Variants in TUSC3 observed in about 807,000 individuals in gnomAD.
The protein encoded by TUSC3 is tumor suppressor candidate 3.
A neutral mutation model predicts 44.8 loss-of-function variants in TUSC3; 45 were observed. The observed-to-expected ratio is 1.00, with a 90% CI of 0.79 to 1.29. TUSC3 has a LOEUF of 1.29. TUSC3 is among the 50% of genes most tolerant of loss of function. The pLI is 0.00. For missense variants in TUSC3, 519 were observed against 437.9 expected, an observed-to-expected ratio of 1.19 and a Z score of -1.65; for synonymous variants, 212 against 152.9, an observed-to-expected ratio of 1.39 and a Z score of -2.85.
chr8:15,794,788 A>C, the TUSC3 span, among the ~76,000 whole-genome samples: 10 of 152,136 alleles, frequency 6.6e-5, no homozygotes, highest in African/African-American at 2.2e-4. Flanking sequence ...CAGGGGGGAA[A>C]ATACCTTTAT....
intron 1 of TUSC3, among the ~76,000 whole-genome samples, chr8:15,441,545 C>G (rs1800020403): frequency 1.3e-5 from 2 of 152,114 alleles, no homozygotes; most frequent in African/African-American, 4.8e-5. Flanking sequence ...AGAAAATATG[C>G]TCATAGACAT....
At chr8:15,707,702 T>A (rs748754941) in intron 6 of TUSC3, among the ~76,000 whole-genome samples, 3 of 151,984 alleles carry the variant, frequency 2.0e-5, no homozygotes, top group South Asian at 4.1e-4. Context: ...GATGTTTACA[T>A]TGAAGTGGGA....
chr8:15,807,014 C>A, the TUSC3 span: 1 of 1,437,224 alleles, frequency 7.0e-7, no homozygotes, highest in African/African-American at 1.4e-5. Context: ...AAAGAAGGTG[C>A]TCCTGCAGAC....
intron 6 of TUSC3, among the ~76,000 whole-genome samples, chr8:15,714,685 G>C (rs1319885858): frequency 1.3e-5 from 2 of 152,088 alleles, no homozygotes; most frequent in African/African-American, 4.8e-5. Context: ...CTTGTCCTCT[G>C]TCTGCTAGTT....
intron 8 of TUSC3, among the ~76,000 whole-genome samples, chr8:15,744,372 C>A (rs186443930): frequency 7.5e-4 from 114 of 152,224 alleles, no homozygotes; most frequent in African/African-American, 2.5e-3. Context: ...CTGCCACAGA[C>A]CTTTTTATAG....
rs149955241 is a variant in TUSC3 at position 15,449,840 on chromosome 8, C to T, written n.91+32535C>T. ...AGGTGACCGTTTTTTTAATCTCTTA[C>T]ACTTTATTTTTTTACTGTACCTTTT... On this transcript the variant is annotated intron_variant and non_coding_transcript_variant, in intron 1 of 5. Transcript: ENST00000503191. Among the ~76,000 whole-genome samples, 464 of 152,164 alleles carry T rather than the reference C, an allele frequency of 3.0e-3. 4 individuals carry two copies. Among genetic ancestry groups the T allele is most frequent in the African/African-American group, 0.01 (417 of 41,518 alleles).
chr8:15,623,028 A>C, intron 1 of TUSC3, 52 bp from the exon 2 acceptor site: 1 of 1,575,608 alleles, frequency 6.3e-7, no homozygotes, highest in Non-Finnish European at 8.7e-7. Flanking sequence ...ATGAAATTCA[A>C]ACAAAAGGAC....
intron 2 of TUSC3, among the ~76,000 whole-genome samples, chr8:15,485,671 G>A (rs1800724587): frequency 6.6e-6 from 1 of 152,148 alleles, no homozygotes; most frequent in Admixed American, 6.6e-5. Flanking sequence ...GGAAGAGTAT[G>A]TGTTGGGAAT....
the TUSC3 span, chr8:15,806,375 C>A: frequency 1.4e-6 from 1 of 736,910 alleles, no homozygotes; most frequent in South Asian, 1.3e-5. Flanking sequence ...ACTTGCCCAA[C>A]TCTGCCTCCT....
At chr8:15,478,428 C>A (rs1252633218) in intron 1 of TUSC3, among the ~76,000 whole-genome samples, 2 of 152,078 alleles carry the variant, frequency 1.3e-5, no homozygotes, top group African/African-American at 4.8e-5. Flanking sequence ...GCTCTCTCTC[C>A]CCCAACTCCC....
chr8:15,437,313 T>C (rs571835569), intron 1 of TUSC3, among the ~76,000 whole-genome samples: 5 of 152,310 alleles, frequency 3.3e-5, no homozygotes, highest in Non-Finnish European at 7.4e-5. Flanking sequence ...AACTTGAGGC[T>C]GTTTAGTCTA....
intron 1 of TUSC3, among the ~76,000 whole-genome samples, chr8:15,589,214 A>G (rs997491481): frequency 6.6e-6 from 1 of 152,170 alleles, no homozygotes; most frequent in Admixed American, 6.5e-5. Context: ...TACAGGTGAC[A>G]CAAGTTTTTT....
intron 2 of TUSC3, among the ~76,000 whole-genome samples, chr8:15,517,821 T>C (rs184783791): frequency 1.4e-3 from 212 of 152,188 alleles, no homozygotes; most frequent in Middle Eastern, 3.4e-3. Context: ...AATGCATATG[T>C]GTTTTTAAAT....
chr8:15,767,382 G>A (rs1311364067), downstream of TUSC3, among the ~76,000 whole-genome samples: 1 of 150,324 alleles, frequency 6.7e-6, no homozygotes, highest in East Asian at 2.0e-4. Context: ...ATAGATGTCA[G>A]GAAAAATGAC....
chr8:15,487,434 G>A (rs903135818), intron 2 of TUSC3, among the ~76,000 whole-genome samples: 1 of 152,192 alleles, frequency 6.6e-6, no homozygotes, highest in African/African-American at 2.4e-5. Flanking sequence ...CGTAGCCACA[G>A]TCACTGACAG....
At chr8:15,534,424 A>T (rs1801494269) in intron 2 of TUSC3, among the ~76,000 whole-genome samples, 1 of 152,084 alleles carries the variant, frequency 6.6e-6, no homozygotes, top group Non-Finnish European at 1.5e-5. Flanking sequence ...CGGGCAGATC[A>T]CAAGGTCAGA....
the TUSC3 span, among the ~76,000 whole-genome samples, chr8:15,836,502 G>A: frequency 6.6e-6 from 1 of 151,008 alleles, no homozygotes; most frequent in East Asian, 1.9e-4. Flanking sequence ...ATTAATATAA[G>A]ATTGGTACTA....
At chr8:15,594,275 C>T (rs866353678) in intron 1 of TUSC3, among the ~76,000 whole-genome samples, 1 of 151,962 alleles carries the variant, frequency 6.6e-6, no homozygotes, top group Non-Finnish European at 1.5e-5. Flanking sequence ...AGAAGTTTGG[C>T]TCTTTTTTAT....
intron 2 of TUSC3, among the ~76,000 whole-genome samples, chr8:15,626,483 C>T (rs1805514978): frequency 6.6e-6 from 1 of 152,234 alleles, no homozygotes; most frequent in African/African-American, 2.4e-5. Context: ...CAAGTCATGG[C>T]TGTGGACCAG....
Sources: gnomAD v4.1 joint callset for allele counts (sites outside exome capture counted in the v4.1 genomes callset) on GRCh38, gnomAD v4.1.1 for gene constraint, MANE v1.5 for transcripts, NCBI Gene and HGNC (gene_info 2026-07-23, HGNC 2026-07-21) for gene names.